Variants in TBL1X observed in about 807,000 individuals in gnomAD.
The protein encoded by TBL1X is F-box-like/WD repeat-containing protein TBL1X.
A neutral mutation model predicts 50.7 loss-of-function variants in TBL1X; 10 were observed. That is an observed-to-expected ratio of 0.20 (90% CI 0.12 to 0.33). The LOEUF is 0.33. TBL1X is among the 10% of genes least tolerant of loss of function. The probability of loss-of-function intolerance (pLI) is 1.00; values close to 1 mark genes in which losing one functional copy is unlikely to be tolerated. For missense variants in TBL1X, 340 were observed against 504.4 expected, an observed-to-expected ratio of 0.67 and a Z score of 3.12; for synonymous variants, 190 against 214.7, an observed-to-expected ratio of 0.88 and a Z score of 1.01.
At chrX:9,531,291 T>A (rs2082158835) in intron 2 of TBL1X, among the ~76,000 whole-genome samples, 1 of 108,176 alleles carries the variant, frequency 9.2e-6, no homozygotes, top group East Asian at 2.9e-4. Context: ...GAACTTTGCA[T>A]GCTTCAGAAC....
chrX:9,545,284 A>G (rs915704439), intron 2 of TBL1X, among the ~76,000 whole-genome samples: 1 of 111,209 alleles, frequency 9.0e-6, no homozygotes, highest in South Asian at 3.7e-4. Context: ...GCTCATGCCT[A>G]TAATCCCAGC....
At chrX:9,658,869 A>G (rs1322130354) in intron 5 of TBL1X, among the ~76,000 whole-genome samples, 2 of 112,100 alleles carry the variant, frequency 1.8e-5, no homozygotes, top group Admixed American at 9.4e-5. Context: ...CAGTGGCACG[A>G]TCACGGCTCA....
rs1187116690 is a variant in TBL1X, at chrX:9,472,912, CA to C, written c.-201+7476del. Among the ~76,000 whole-genome samples the C allele has an allele frequency of 8.6e-5, 8 of 92,734 alleles. No homozygotes were observed. The East Asian group carries it at 1.3e-3, about 15-fold the overall frequency. The allele number at this position is 92,734 out of a possible 115,157, so 80.5% of individuals were successfully genotyped here. ...TGGGTGACAGAGCAAGACTCCGTCT[CA>C]AAAAAAAAAACAATAATTTTAAGAA... On this transcript the variant is annotated intron_variant, in intron 1 of 17. Transcript: ENST00000645353.
chrX:9,475,874 A>G (rs1450065420), intron 1 of TBL1X, among the ~76,000 whole-genome samples: 1 of 111,885 alleles, frequency 8.9e-6, no homozygotes, highest in Non-Finnish European at 1.9e-5. Context: ...CTTTGTGAAT[A>G]TTGAATTCGC....
In TBL1X at chrX:9,541,317, CA is replaced by C. The variant is rs143712412; in HGVS notation, c.-131+39481del. On this transcript the variant is annotated intron_variant, in intron 2 of 17. Coordinates refer to ENST00000645353, the MANE Select transcript of TBL1X (RefSeq NM_005647.4). ...AGTTCAGCTTTGTTTCTCCAGTGAC[CA>C]AAAAAAAAAAAAGGTATCTGCCTTG... is the stretch of plus-strand genomic sequence containing the variant. Among the ~76,000 whole-genome samples the C allele has an allele frequency of 4.7e-3, 467 of 99,820 alleles. 3 individuals carry two copies. The highest frequency in any genetic ancestry group is 0.014 in the African/African-American group (382 of 27,228). 86.7% of individuals were successfully genotyped at this position (99,820 alleles called of 115,157 possible). A position where few individuals can be genotyped will look rare whatever the true frequency, so the allele number is the denominator to read the frequency against.
At chrX:9,588,621 T>C (rs867056989) in intron 2 of TBL1X, among the ~76,000 whole-genome samples, 3 of 101,510 alleles carry the variant, frequency 3.0e-5, no homozygotes, top group Non-Finnish European at 6.0e-5. Context: ...TTTTTTTTTC[T>C]TTTTGAGACA....
intron 2 of TBL1X, among the ~76,000 whole-genome samples, chrX:9,576,639 T>C (rs1217085789): frequency 1.9e-5 from 2 of 105,068 alleles, no homozygotes; most frequent in Non-Finnish European, 3.9e-5. Flanking sequence ...TTATTCAGGA[T>C]GGAGTGGTCA....
chrX:9,466,917 C>T (rs1423044776), intron 1 of TBL1X, among the ~76,000 whole-genome samples: 1 of 111,951 alleles, frequency 8.9e-6, no homozygotes, highest in Non-Finnish European at 1.9e-5. Context: ...GCCCTTAAGG[C>T]GATTCCAGCC....
intron 2 of TBL1X, among the ~76,000 whole-genome samples, chrX:9,638,937 A>G (rs2082761612): frequency 9.0e-6 from 1 of 111,609 alleles, no homozygotes; most frequent in Non-Finnish European, 1.9e-5. Context: ...AGTTAAAAGT[A>G]TATTTTATAA....
intron 2 of TBL1X, among the ~76,000 whole-genome samples, chrX:9,595,862 T>A (rs1237178517): frequency 8.9e-6 from 1 of 112,484 alleles, no homozygotes; most frequent in South Asian, 3.6e-4. Flanking sequence ...TTCTGTGATA[T>A]GTTTAAAATA....
intron 7 of TBL1X, among the ~76,000 whole-genome samples, chrX:9,689,694 A>G (rs1042042832): frequency 1.2e-4 from 13 of 112,484 alleles, no homozygotes; most frequent in Non-Finnish European, 2.4e-4. Context: ...GAATGAAAAT[A>G]CTGGCTGTCA....
At chrX:9,633,251 CTT>C (rs757137976) in intron 2 of TBL1X, among the ~76,000 whole-genome samples, 1 of 111,531 alleles carries the variant, frequency 9.0e-6, no homozygotes, top group East Asian at 2.8e-4. Context: ...AATATAGAAC[CTT>C]TTTTTATGTC....
chrX:9,628,569 C>T (rs1424698671), intron 2 of TBL1X, among the ~76,000 whole-genome samples: 3 of 96,913 alleles, frequency 3.1e-5, no homozygotes, highest in Admixed American at 2.2e-4. Flanking sequence ...TTTTTTGAGA[C>T]GGAGTCTTGC....
chrX:9,665,323 G>A (rs1358885953), intron 5 of TBL1X, among the ~76,000 whole-genome samples: 2 of 102,244 alleles, frequency 2.0e-5, no homozygotes, highest in South Asian at 4.7e-4. Flanking sequence ...TAGTTAACCC[G>A]GAAAAGGGTG....
chrX:9,554,219 C>G (rs1194889367), intron 2 of TBL1X, among the ~76,000 whole-genome samples: 1 of 112,560 alleles, frequency 8.9e-6, no homozygotes, highest in African/African-American at 3.2e-5. Flanking sequence ...ACTTTCCAAG[C>G]TTTTTGTCCT....
At chrX:9,549,904 AAAGG>A (rs2082262799) in intron 2 of TBL1X, among the ~76,000 whole-genome samples, 1 of 111,707 alleles carries the variant, frequency 9.0e-6, no homozygotes, top group South Asian at 3.8e-4. Context: ...CTCTGGAAGA[AAAGG>A]GTACTGAGTC....
intron 1 of TBL1X, among the ~76,000 whole-genome samples, chrX:9,494,863 C>G (rs1011369890): frequency 2.9e-4 from 33 of 112,211 alleles, no homozygotes; most frequent in Admixed American, 2.8e-3. Context: ...GTTTCCACAT[C>G]AGGTCTTAGA....
chrX:9,673,580 A>AT (rs1170344978), intron 5 of TBL1X, among the ~76,000 whole-genome samples: 1 of 111,894 alleles, frequency 8.9e-6, no homozygotes, highest in Non-Finnish European at 1.9e-5. Flanking sequence ...AATCTTTCTC[A>AT]TTTTTTCATT....
intron 2 of TBL1X, among the ~76,000 whole-genome samples, chrX:9,527,759 A>G (rs1261552466): frequency 9.1e-6 from 1 of 110,218 alleles, no homozygotes; most frequent in Non-Finnish European, 1.9e-5. Flanking sequence ...TCCCATATTC[A>G]CACTGTTCCG....
Sources: gnomAD v4.1 joint callset for allele counts (sites outside exome capture counted in the v4.1 genomes callset) on GRCh38, gnomAD v4.1.1 for gene constraint, MANE v1.5 for transcripts, NCBI Gene and HGNC (gene_info 2026-07-23, HGNC 2026-07-21) for gene names.